CYSLTR2: variants seen among roughly 807,000 people sequenced by gnomAD.
The protein encoded by CYSLTR2 is G-protein coupled receptor GPCR21.
For missense variants in CYSLTR2, 398 were observed against 411.9 expected (o/e 0.97, Z 0.29); for synonymous variants, 179 against 160.8 (o/e 1.11, Z -0.86).
chr13:48,666,695 A>G (rs759205334), intron 1 of CYSLTR2, among the ~76,000 whole-genome samples: 9 of 151,800 alleles, frequency 5.9e-5, no homozygotes, highest in Non-Finnish European at 1.3e-4. Context: ...GCTCTCTATT[A>G]TATTTTTATT....
intron 1 of CYSLTR2, among the ~76,000 whole-genome samples, chr13:48,655,524 G>T (rs149717573): frequency 1.3e-5 from 2 of 152,310 alleles, no homozygotes; most frequent in East Asian, 1.9e-4. Flanking sequence ...AAACCACACT[G>T]AAGCATTTGC....
intron 1 of CYSLTR2, among the ~76,000 whole-genome samples, chr13:48,664,295 T>G (rs1324355114): frequency 1.3e-5 from 2 of 151,944 alleles, no homozygotes; most frequent in Non-Finnish European, 2.9e-5. Context: ...TTTGTTGTTG[T>G]TGTTATGTCC....
At chr13:48,662,048 T>C (rs995246924) in intron 1 of CYSLTR2, among the ~76,000 whole-genome samples, 2 of 152,210 alleles carry the variant, frequency 1.3e-5, no homozygotes, top group African/African-American at 4.8e-5. Flanking sequence ...TTTTTACTTC[T>C]ATGAGATCAA....
intron 1 of CYSLTR2, among the ~76,000 whole-genome samples, chr13:48,673,372 C>T (rs184923830): frequency 1.3e-5 from 2 of 150,276 alleles, no homozygotes; most frequent in African/African-American, 4.9e-5. Flanking sequence ...CCCTTCTTTG[C>T]CTTTTTTGAT....
Position 48,707,481 on chromosome 13 carries a change from C to G in CYSLTR2, c.664C>G (p.Leu222Val), listed in dbSNP as rs953527715. Residue 222 changes from leucine (L) to valine (V), a missense_variant, in exon 5 of 5, where the codon CTG (leucine) becomes GTG (valine). Physicochemically the swap from Leu to Val is conservative, Grantham distance 32. Transcript: ENST00000682523. ...ATTTTTCACACTCAGCATCTGTTAT[C>G]TGCTGATCATTCGGGTTCTGTTAAA... ...LPFFTLSICY[L>V]LIIRVLLKVE... The G allele has an allele frequency of 1.2e-6, 2 of 1,613,310 alleles. No homozygotes were observed. Among genetic ancestry groups the G allele is most frequent in the African/African-American group, 1.3e-5 (1 of 74,912 alleles).
chr13:48,710,505 C>T lies in CYSLTR2; in HGVS notation c.*2647C>T, dbSNP rs1954608906. 6.6e-6 allele frequency: 1 copy of T among 152,070 alleles called. No homozygotes were observed. Among genetic ancestry groups the T allele is most frequent in the Non-Finnish European group, 1.5e-5 (1 of 68,014 alleles). The allele number at this position is 152,070 out of a possible 1,614,324, so 9.4% of individuals were successfully genotyped here. A position where few individuals can be genotyped will look rare whatever the true frequency, so the allele number is the denominator to read the frequency against. On this transcript the variant is annotated 3_prime_UTR_variant, in exon 5 of 5. Coordinates refer to ENST00000682523, the MANE Select transcript of CYSLTR2 (RefSeq NM_001308476.3). ...TAGTGATGCTGGCAAATAAGATACA[C>T]CAAAGAGAAGCTGTAAAGTGCTTCC...
At chr13:48,659,134 G>A (rs1175420760) in intron 1 of CYSLTR2, among the ~76,000 whole-genome samples, 1 of 152,058 alleles carries the variant, frequency 6.6e-6, no homozygotes, top group Admixed American at 6.6e-5. Flanking sequence ...CTGGGCAGCA[G>A]GACAAGCAGG....
Position 48,710,666 on chromosome 13 carries a change from G to A in CYSLTR2, c.*2808G>A, listed in dbSNP as rs1490586297. 6.6e-6 allele frequency: 1 copy of A among 152,200 alleles called. No homozygotes were observed. 9.4% of individuals were successfully genotyped at this position (152,200 alleles called of 1,614,324 possible). On this transcript the variant is annotated 3_prime_UTR_variant, in exon 5 of 5. Transcript: ENST00000682523. ...GGCAAAAGAAATTTGTGCTAGTTTTGCTGTTGCACCACAAGCTGCAAAAAT... is the reference window on the plus strand; with the variant it reads ...GGCAAAAGAAATTTGTGCTAGTTTTACTGTTGCACCACAAGCTGCAAAAAT...
intron 1 of CYSLTR2, among the ~76,000 whole-genome samples, chr13:48,670,223 AG>A (rs1267904389): frequency 6.6e-6 from 1 of 152,128 alleles, no homozygotes; most frequent in Non-Finnish European, 1.5e-5. Context: ...CCCATTCTGT[AG>A]GTTGCCTGTT....
intron 1 of CYSLTR2, among the ~76,000 whole-genome samples, chr13:48,678,097 G>T (rs1263657757): frequency 6.6e-6 from 1 of 152,134 alleles, no homozygotes; most frequent in Non-Finnish European, 1.5e-5. Flanking sequence ...GTGGAGAGGA[G>T]ATCTGCATTT....
At position 48,675,489 on chromosome 13, in the gene CYSLTR2, C is replaced by G. The variant is rs866536218; in HGVS notation, c.-265-15723C>G. ...CCTCAGTAATGGTGGACACCCCTCC[C>G]CCATCAAGCTCACACATCTCAGGTT... is the stretch of plus-strand genomic sequence containing the variant. On this transcript the variant is annotated intron_variant, in intron 1 of 4. Coordinates refer to ENST00000682523, the MANE Select transcript of CYSLTR2 (RefSeq NM_001308476.3). Among the ~76,000 whole-genome samples, 8 of 152,252 alleles carry G rather than the reference C, an allele frequency of 5.3e-5. No homozygotes were observed. The Middle Eastern group carries it at 0.017, about 324-fold the overall frequency.
intron 1 of CYSLTR2, among the ~76,000 whole-genome samples, chr13:48,659,321 C>T (rs1032846023): frequency 6.6e-6 from 1 of 152,164 alleles, no homozygotes; most frequent in Admixed American, 6.5e-5. Flanking sequence ...TCCTGGGGTC[C>T]TCTCAATAAC....
rs777030500 is a variant in CYSLTR2 at position 48,711,126 on chromosome 13, G to A, written c.*3268G>A. On this transcript the variant is annotated 3_prime_UTR_variant, in exon 5 of 5. Coordinates refer to ENST00000682523, the MANE Select transcript of CYSLTR2 (RefSeq NM_001308476.3). ...TGGAGAAGCTGGGGTGGGAGGATAG[G>A]GTGGGGACTTATTTTACGAACTGTG... 2.0e-5 allele frequency: 3 copies of A among 152,056 alleles called. No homozygotes were observed. The highest frequency in any genetic ancestry group is 4.4e-5 in the Non-Finnish European group (3 of 68,010). 9.4% of individuals were successfully genotyped at this position (152,056 alleles called of 1,614,324 possible). A position where few individuals can be genotyped will look rare whatever the true frequency, so the allele number is the denominator to read the frequency against.
At chr13:48,684,816 A>G (rs541146968) in intron 1 of CYSLTR2, among the ~76,000 whole-genome samples, 1 of 152,312 alleles carries the variant, frequency 6.6e-6, no homozygotes, top group Admixed American at 6.5e-5. Context: ...CAATATGACT[A>G]GTGTCCTTAT....
chr13:48,704,990 C>T (rs1317009052), intron 4 of CYSLTR2, among the ~76,000 whole-genome samples: 1 of 152,090 alleles, frequency 6.6e-6, no homozygotes, highest in Non-Finnish European at 1.5e-5. Flanking sequence ...TTTTTCTATA[C>T]CTTTGCTGAG....
At chr13:48,697,992 A>C (rs1212664406) in intron 4 of CYSLTR2, among the ~76,000 whole-genome samples, 1 of 152,164 alleles carries the variant, frequency 6.6e-6, no homozygotes, top group African/African-American at 2.4e-5. Flanking sequence ...GAAATGAAAA[A>C]AGCCTCCAAG....
intron 1 of CYSLTR2, among the ~76,000 whole-genome samples, chr13:48,684,580 T>C (rs1417760933): frequency 6.6e-6 from 1 of 151,974 alleles, no homozygotes; most frequent in African/African-American, 2.4e-5. Flanking sequence ...GAGCACTTAG[T>C]GCCAAGTACC....
chr13:48,680,795 C>CTTTTTTTT (rs1268529678), intron 1 of CYSLTR2, among the ~76,000 whole-genome samples: 22 of 110,612 alleles, frequency 2.0e-4, no homozygotes, highest in African/African-American at 7.5e-4. Context: ...CTTTTCTTTT[C>CTTTTTTTT]TTTTCTTTTT....
At chr13:48,675,967 A>G (rs1418117616) in intron 1 of CYSLTR2, among the ~76,000 whole-genome samples, 1 of 152,030 alleles carries the variant, frequency 6.6e-6, no homozygotes, top group Non-Finnish European at 1.5e-5. Flanking sequence ...CTCACCCCCC[A>G]TGGGCTGTGC....
Sources: gnomAD v4.1 joint callset for allele counts (sites outside exome capture counted in the v4.1 genomes callset) on GRCh38, gnomAD v4.1.1 for gene constraint, MANE v1.5 for transcripts, NCBI Gene and HGNC (gene_info 2026-07-23, HGNC 2026-07-21) for gene names.